Variants in HS6ST3 observed in about 807,000 individuals in gnomAD.
The protein encoded by HS6ST3 is heparan sulfate 6-O-sulfotransferase 3.
A neutral mutation model predicts 36.7 loss-of-function variants in HS6ST3; 12 were observed. That is an observed-to-expected ratio of 0.33 (90% CI 0.21 to 0.53). HS6ST3 has a LOEUF of 0.53. HS6ST3 is among the 20% of genes least tolerant of loss of function. The probability of loss-of-function intolerance (pLI) is 0.95; values close to 1 mark genes in which losing one functional copy is unlikely to be tolerated. For synonymous variants in HS6ST3, 240 were observed against 257.5 expected, an observed-to-expected ratio of 0.93 and a Z score of 0.65; for missense variants, 584 against 640.9, an observed-to-expected ratio of 0.91 and a Z score of 0.96.
At chr13:96,542,763 C>T (rs146011572) in intron 1 of HS6ST3, among the ~76,000 whole-genome samples, 16 of 152,274 alleles carry the variant, frequency 1.1e-4, no homozygotes, top group African/African-American at 2.6e-4. Context: ...AGGACTACAA[C>T]GGTCAATCTC....
At chr13:96,101,014 A>G (rs1301268898) in intron 1 of HS6ST3, among the ~76,000 whole-genome samples, 1 of 152,140 alleles carries the variant, frequency 6.6e-6, no homozygotes, top group African/African-American at 2.4e-5. Flanking sequence ...CCGCTCTCCA[A>G]AGGAACAGTT....
chr13:96,396,950 C>T (rs1279607582), intron 1 of HS6ST3, among the ~76,000 whole-genome samples: 1 of 152,176 alleles, frequency 6.6e-6, no homozygotes, highest in Non-Finnish European at 1.5e-5. Flanking sequence ...CGCCTGTAAT[C>T]CTTGCACTTT....
chr13:96,141,032 A>G (rs2054029603), intron 1 of HS6ST3, among the ~76,000 whole-genome samples: 1 of 152,226 alleles, frequency 6.6e-6, no homozygotes, highest in African/African-American at 2.4e-5. Flanking sequence ...CTACCAGAAC[A>G]GGTTTTTAAT....
chr13:96,755,342 T>G (rs746870008), intron 1 of HS6ST3, among the ~76,000 whole-genome samples: 15 of 151,184 alleles, frequency 9.9e-5, no homozygotes, highest in Non-Finnish European at 1.8e-4. Context: ...GTAGTTCAGT[T>G]TTTTTGTTTT....
At chr13:96,767,672 G>T (rs1877151586) in intron 1 of HS6ST3, among the ~76,000 whole-genome samples, 2 of 152,184 alleles carry the variant, frequency 1.3e-5, no homozygotes, top group African/African-American at 2.4e-5. Context: ...AGCATTGTTT[G>T]GTGATAAATA....
intron 1 of HS6ST3, among the ~76,000 whole-genome samples, chr13:96,617,530 A>G (rs939883195): frequency 1.8e-4 from 28 of 152,336 alleles, no homozygotes; most frequent in African/African-American, 5.8e-4. Flanking sequence ...TTTGGATTCC[A>G]GCTGTTGCTA....
At chr13:96,380,689 G>A (rs1301318949) in intron 1 of HS6ST3, among the ~76,000 whole-genome samples, 1 of 152,024 alleles carries the variant, frequency 6.6e-6, no homozygotes, top group Admixed American at 6.6e-5. Flanking sequence ...AAATCTAGCC[G>A]CTAAATAAAG....
intron 1 of HS6ST3, among the ~76,000 whole-genome samples, chr13:96,620,369 A>G (rs932749433): frequency 1.3e-5 from 2 of 152,188 alleles, no homozygotes; most frequent in Admixed American, 6.5e-5. Flanking sequence ...AAAATGAACT[A>G]GTTAGGTCCA....
At chr13:96,386,552 C>T (rs1273033982) in intron 1 of HS6ST3, among the ~76,000 whole-genome samples, 5 of 151,948 alleles carry the variant, frequency 3.3e-5, no homozygotes, top group Admixed American at 2.6e-4. Flanking sequence ...AAATTTTATA[C>T]ATATGTTTTA....
At chr13:96,686,530 T>A (rs1374365529) in intron 1 of HS6ST3, among the ~76,000 whole-genome samples, 1 of 152,032 alleles carries the variant, frequency 6.6e-6, no homozygotes, top group Non-Finnish European at 1.5e-5. Context: ...TTGTTGTTTT[T>A]GTTGTTGTTT....
At chr13:96,452,101 T>A (rs941691482) in intron 1 of HS6ST3, among the ~76,000 whole-genome samples, 1 of 152,208 alleles carries the variant, frequency 6.6e-6, no homozygotes, top group African/African-American at 2.4e-5. Flanking sequence ...GCAATGAACA[T>A]AAAATTTGCA....
intron 1 of HS6ST3, among the ~76,000 whole-genome samples, chr13:96,359,888 A>G (rs2055228957): frequency 6.6e-6 from 1 of 152,172 alleles, no homozygotes; most frequent in Non-Finnish European, 1.5e-5. Flanking sequence ...AAGATTTGGC[A>G]GAGGAGAAAC....
intron 1 of HS6ST3, among the ~76,000 whole-genome samples, chr13:96,760,778 A>G (rs1265554043): frequency 6.6e-6 from 1 of 152,094 alleles, no homozygotes. Flanking sequence ...ATATTGTTCA[A>G]TTATTTTATT....
intron 1 of HS6ST3, among the ~76,000 whole-genome samples, chr13:96,242,662 T>C (rs1446458316): frequency 6.6e-6 from 1 of 152,202 alleles, no homozygotes; most frequent in Non-Finnish European, 1.5e-5. Context: ...TAAGGTTGAA[T>C]CATGAAGATA....
chr13:96,805,504 A>G (rs542573268), intron 1 of HS6ST3, among the ~76,000 whole-genome samples: 2 of 152,312 alleles, frequency 1.3e-5, no homozygotes, highest in African/African-American at 4.8e-5. Context: ...TAATACAGTG[A>G]TTACAATGAT....
chr13:96,538,187 G>A (rs776417332), intron 1 of HS6ST3, among the ~76,000 whole-genome samples: 9 of 152,158 alleles, frequency 5.9e-5, no homozygotes, highest in Non-Finnish European at 1.0e-4. Flanking sequence ...CCTTCACTAC[G>A]TGCTCCAAAT....
chr13:96,368,988 A>G (rs969037145), intron 1 of HS6ST3, among the ~76,000 whole-genome samples: 1 of 151,856 alleles, frequency 6.6e-6, no homozygotes, highest in African/African-American at 2.4e-5. Flanking sequence ...TAGGAGAGAC[A>G]TAAAATTCCA....
At chr13:96,460,666 TA>T (rs1179506477) in intron 1 of HS6ST3, among the ~76,000 whole-genome samples, 3 of 152,198 alleles carry the variant, frequency 2.0e-5, no homozygotes, top group Non-Finnish European at 4.4e-5. Flanking sequence ...TTGGTATTTT[TA>T]CACTTAATAG....
rs3051060 is a variant in HS6ST3 at position 96,559,071 on chromosome 13, AATCTATCTATCTATCTATCTATCTATCT to A, written c.708-273392_708-273365del. Among the ~76,000 whole-genome samples the A allele has an allele frequency of 5.9e-3, 865 of 147,538 alleles. 4 individuals carry two copies. The highest frequency in any genetic ancestry group is 0.016 in the Admixed American group (228 of 14,664). ...ACCAATTCTAAGTGAGAATCTATAT[AATCTATCTATCTATCTATCTATCTATCT>A]ATCTATCTATCTATCTATCTATCTA... On this transcript the variant is annotated intron_variant, in intron 1 of 1. Coordinates refer to ENST00000376705, the MANE Select transcript of HS6ST3 (RefSeq NM_153456.4).
Sources: allele counts gnomAD v4.1 joint callset (sites outside exome capture counted in the v4.1 genomes callset), GRCh38; gene constraint gnomAD v4.1.1; transcripts MANE v1.5; gene names NCBI Gene and HGNC (gene_info 2026-07-23, HGNC 2026-07-21).